RORA: variants seen among roughly 807,000 people sequenced by gnomAD.
The protein encoded by RORA is nuclear receptor ROR-alpha.
RORA carries 7 observed loss-of-function variants against 69.5 expected under a neutral mutation model. That is an observed-to-expected ratio of 0.10 (90% CI 0.06 to 0.19). The LOEUF is 0.19. RORA is among the 10% of genes least tolerant of loss of function. The pLI, the probability that RORA is intolerant of heterozygous loss-of-function variation, is 1.00. For synonymous variants in RORA, 261 were observed against 240.8 expected (o/e 1.08, Z -0.78); for missense variants, 457 against 663.0 (o/e 0.69, Z 3.41).
intron 1 of RORA, among the ~76,000 whole-genome samples, chr15:60,909,421 T>C (rs754919746): frequency 2.6e-5 from 4 of 152,320 alleles, no homozygotes; most frequent in African/African-American, 9.6e-5. Context: ...GAAAAGTCAA[T>C]GTTAGCAGTA....
intron 1 of RORA, among the ~76,000 whole-genome samples, chr15:60,989,400 A>T (rs184413868): frequency 1.3e-5 from 2 of 152,322 alleles, no homozygotes; most frequent in Admixed American, 6.5e-5. Flanking sequence ...TCAGTACTTC[A>T]TTCCTTTTTA....
chr15:60,568,320 C>G (rs2067775038), intron 2 of RORA, among the ~76,000 whole-genome samples: 1 of 152,164 alleles, frequency 6.6e-6, no homozygotes, highest in Admixed American at 6.5e-5. Flanking sequence ...GGTAGTGATG[C>G]CAAAAGAAGC....
At chr15:60,541,491 T>G (rs564619331) in intron 2 of RORA, among the ~76,000 whole-genome samples, 53 of 152,354 alleles carry the variant, frequency 3.5e-4, no homozygotes, top group African/African-American at 1.2e-3. Context: ...AAGCTCAACC[T>G]GAGAATGGAT....
At chr15:60,918,644 T>C (rs976741959) in intron 1 of RORA, among the ~76,000 whole-genome samples, 13 of 152,232 alleles carry the variant, frequency 8.5e-5, no homozygotes, top group Admixed American at 2.6e-4. Flanking sequence ...TCATTCCCAA[T>C]TGACAGAAAA....
At chr15:61,146,894 T>C (rs1406777306) in intron 1 of RORA, among the ~76,000 whole-genome samples, 1 of 151,848 alleles carries the variant, frequency 6.6e-6, no homozygotes, top group Non-Finnish European at 1.5e-5. Flanking sequence ...ACCTGGTGCT[T>C]TGTCAGGGTA....
chr15:60,765,772 C>T (rs1031684235), intron 1 of RORA: 2 of 152,086 alleles, frequency 1.3e-5, no homozygotes, highest in African/African-American at 4.8e-5. Flanking sequence ...TTCAGATTTC[C>T]ATCGCATGAT....
At chr15:60,948,434 C>A (rs112575543) in intron 1 of RORA, among the ~76,000 whole-genome samples, 1 of 152,200 alleles carries the variant, frequency 6.6e-6, no homozygotes, top group Non-Finnish European at 1.5e-5. Flanking sequence ...GCAAAATACT[C>A]TCCATGGTTC....
chr15:61,010,386 G>A (rs1317949097), intron 1 of RORA, among the ~76,000 whole-genome samples: 1 of 152,090 alleles, frequency 6.6e-6, no homozygotes. Flanking sequence ...TATCTAAGAC[G>A]GTCCATATCC....
intron 1 of RORA, among the ~76,000 whole-genome samples, chr15:60,900,413 G>GCT (rs1891355133): frequency 6.6e-6 from 1 of 152,162 alleles, no homozygotes. Context: ...AATGTGGATT[G>GCT]CTATTTTAAT....
chr15:61,022,140 G>C (rs1007774946), intron 1 of RORA, among the ~76,000 whole-genome samples: 2 of 152,192 alleles, frequency 1.3e-5, no homozygotes, highest in Admixed American at 1.3e-4. Context: ...ACCATTTGCA[G>C]GCTCTATGAT....
intron 1 of RORA, chr15:61,194,006 C>G (rs1252355428): frequency 6.6e-6 from 1 of 152,202 alleles, no homozygotes; most frequent in African/African-American, 2.4e-5. Context: ...CCAATGGCAC[C>G]TCTAGATGCC....
intron 1 of RORA, among the ~76,000 whole-genome samples, chr15:60,959,753 G>T (rs371287594): frequency 6.6e-6 from 1 of 152,078 alleles, no homozygotes; most frequent in African/African-American, 2.4e-5. Context: ...AAAAAACACC[G>T]GATTAAATGG....
intron 1 of RORA, among the ~76,000 whole-genome samples, chr15:60,857,491 A>C (rs570121503): frequency 1.3e-5 from 2 of 152,184 alleles, no homozygotes; most frequent in Non-Finnish European, 2.9e-5. Context: ...AGCAGTGTAC[A>C]CTCAGCCAAA....
intron 1 of RORA, among the ~76,000 whole-genome samples, chr15:60,932,038 T>C (rs1892389681): frequency 6.6e-6 from 1 of 152,068 alleles, no homozygotes. Flanking sequence ...CAAGAGTTTT[T>C]TTTTTTAAAT....
intron 1 of RORA, among the ~76,000 whole-genome samples, chr15:60,912,362 C>T (rs12909672): frequency 0.36 from 55,176 of 151,874 alleles, 10,238 homozygotes; most frequent in East Asian, 0.6. Context: ...TTCAAGGCTA[C>T]AGTGAGCTAT....
intron 1 of RORA, among the ~76,000 whole-genome samples, chr15:61,197,786 C>T (rs942854610): frequency 6.6e-6 from 1 of 152,156 alleles, no homozygotes; most frequent in Non-Finnish European, 1.5e-5. Flanking sequence ...TCAAGCACAA[C>T]GAGGAGGTTC....
intron 1 of RORA, among the ~76,000 whole-genome samples, chr15:60,720,086 T>G (rs1342910117): frequency 6.6e-6 from 1 of 152,138 alleles, no homozygotes; most frequent in African/African-American, 2.4e-5. Flanking sequence ...GAAGAAGCAC[T>G]AAACAGGAAG....
chr15:60,506,702 A>G (rs1567042947), intron 5 of RORA, among the ~76,000 whole-genome samples: 1 of 152,026 alleles, frequency 6.6e-6, no homozygotes, highest in Non-Finnish European at 1.5e-5. Context: ...AAAATACAAA[A>G]AAAAATTGGC....
intron 2 of RORA, among the ~76,000 whole-genome samples, chr15:60,600,130 TA>T (rs1480341820): frequency 6.6e-6 from 1 of 152,210 alleles, no homozygotes; most frequent in African/African-American, 2.4e-5. Context: ...TTTTATTTTT[TA>T]AAGAACTATC....
Sources: gnomAD v4.1 joint callset for allele counts (sites outside exome capture counted in the v4.1 genomes callset) on GRCh38, gnomAD v4.1.1 for gene constraint, MANE v1.5 for transcripts, NCBI Gene and HGNC (gene_info 2026-07-23, HGNC 2026-07-21) for gene names.